CDC14B: variants seen among roughly 807,000 people sequenced by gnomAD.
CDC14B encodes cell division cycle 14B.
In CDC14B, 22 loss-of-function variants were observed where a neutral mutation model predicts 64.2. That is an observed-to-expected ratio of 0.34 (90% CI 0.24 to 0.49). CDC14B has a LOEUF of 0.49. Among genes scored for constraint, CDC14B ranks in the 20% least tolerant of loss-of-function variants. The pLI is 0.99. For missense variants in CDC14B, 498 were observed against 629.9 expected, an observed-to-expected ratio of 0.79 and a Z score of 2.24; for synonymous variants, 191 against 215.8, an observed-to-expected ratio of 0.89 and a Z score of 1.01.
At position 96,509,741 on chromosome 9, in the gene CDC14B, G is replaced by A. The variant is rs953445555; in HGVS notation, c.1392C>T (p.Asn464=). 6 of 1,613,220 alleles carry A rather than the reference G, an allele frequency of 3.7e-6. No individual in the cohort carries two copies. The highest frequency in any genetic ancestry group is 5.1e-6 in the Non-Finnish European group (6 of 1,179,234). The change falls in exon 13 of 14, where the codon AAC becomes AAT. Residue 464 remains asparagine (N), a synonymous_variant. Transcript: ENST00000375241. ...SVQSCKTSEP[N]ISGSAGITKR... ...TAGTAATGCCTGCACTGCCAGAAAT[G>A]TTAGGTTCAGATGTTTTACAGCTCT...
rs888722233 is a variant in CDC14B at position 96,515,036 on chromosome 9, T to C, written c.1344-5247A>G. 2.4e-6 allele frequency: 1 copy of C among 422,662 alleles called. No homozygotes were observed. Among genetic ancestry groups the C allele is most frequent in the Non-Finnish European group, 3.2e-6 (1 of 315,740 alleles). 26.2% of individuals were successfully genotyped at this position (422,662 alleles called of 1,614,324 possible). A position where few individuals can be genotyped will look rare whatever the true frequency, so the allele number is the denominator to read the frequency against. On this transcript the variant is annotated intron_variant, in intron 12 of 13. Transcript: ENST00000375241. The surrounding 1 kb of genome is among the most constrained non-coding windows in gnomAD (Gnocchi z 4.3). ...CGACCTCAGCTCCGACCTCCTACTT[T>C]CATTTAGCATCAAGTGCTACACACT...
At chr9:96,572,986 C>T (rs1468675029) in intron 1 of CDC14B, among the ~76,000 whole-genome samples, 1 of 151,892 alleles carries the variant, frequency 6.6e-6, no homozygotes, top group Non-Finnish European at 1.5e-5. Context: ...CAAAACTGTC[C>T]TTGTTTGCAG....
Position 96,523,705 on chromosome 9 carries a change from T to A in CDC14B, c.967A>T (p.Thr323Ser). ...HCKAGLGRTGTLIACYIMKHY... is the reference protein window; with the variant it reads ...HCKAGLGRTGSLIACYIMKHY... ...TTCATGATGTAGCAGGCTATCAGAG[T>A]GCCCGTGCGACCAAGGCCAGCTAGG... The change falls in exon 10 of 14, where the codon ACT (threonine) becomes TCT (serine). Residue 323 changes from threonine (T) to serine (S), a missense_variant. Thr to Ser is a moderately conservative substitution (Grantham distance 58). Coordinates refer to ENST00000375241, the MANE Select transcript of CDC14B (RefSeq NM_033331.4). The A allele has an allele frequency of 1.2e-6, 2 of 1,613,218 alleles. No individual in the cohort carries two copies. Among genetic ancestry groups the A allele is most frequent in the Non-Finnish European group, 1.7e-6 (2 of 1,179,366 alleles).
In CDC14B at chr9:96,616,097, T is replaced by TG. The variant is rs576503736; in HGVS notation, c.160+3121dup. Reference sequence around the variant, plus strand: ...CCCCAGCACTTTGGGAGATCTAGGCTGGGGGGGATCACGAAGTCAGGAGTT... The same window carrying TG: ...CCCCAGCACTTTGGGAGATCTAGGCTGGGGGGGGATCACGAAGTCAGGAGTT... On this transcript the variant is annotated intron_variant, in intron 1 of 13. Transcript: ENST00000375241. 6.4e-3 allele frequency among the ~76,000 whole-genome samples: 966 copies of TG among 151,024 alleles called. 10 individuals are homozygous for TG. The highest frequency in any genetic ancestry group is 0.018 in the Middle Eastern group (5 of 274).
chr9:96,566,575 C>T (rs1486428050), intron 1 of CDC14B, among the ~76,000 whole-genome samples: 4 of 152,176 alleles, frequency 2.6e-5, no homozygotes, highest in Non-Finnish European at 5.9e-5. Context: ...GGCTCAGGTG[C>T]AGGCACGCAA....
At position 96,541,895 on chromosome 9, in the gene CDC14B, G is replaced by A. The variant is rs1259231595; in HGVS notation, c.498-3C>T. On this transcript the variant is annotated splice_polypyrimidine_tract_variant and splice_region_variant and intron_variant, in intron 5 of 13. Coordinates refer to ENST00000375241, the MANE Select transcript of CDC14B (RefSeq NM_033331.4). Reference sequence around the variant, plus strand: ...TGCAACTTCCATAGGCAGCATCTCTGAAACCCAAGAGTAATAAAATGTAGA... The same window carrying A: ...TGCAACTTCCATAGGCAGCATCTCTAAAACCCAAGAGTAATAAAATGTAGA... 6.2e-7 allele frequency: 1 copy of A among 1,602,334 alleles called. No homozygotes were observed. The highest frequency in any genetic ancestry group is 8.5e-7 in the Non-Finnish European group (1 of 1,171,568).
At chr9:96,527,660 G>T (rs183117620) in intron 9 of CDC14B, among the ~76,000 whole-genome samples, 48 of 151,346 alleles carry the variant, frequency 3.2e-4, no homozygotes, top group African/African-American at 1.1e-3. Flanking sequence ...CTGTCGCCCA[G>T]GCCGGAGTGC....
At chr9:96,545,943 G>A (rs2131944634) in intron 5 of CDC14B, among the ~76,000 whole-genome samples, 1 of 152,288 alleles carries the variant, frequency 6.6e-6, no homozygotes, top group African/African-American at 2.4e-5. Flanking sequence ...CCAATAGGCA[G>A]AACAGCAACT....
chr9:96,507,855 T>C (rs1834373841), intron 13 of CDC14B, among the ~76,000 whole-genome samples: 1 of 152,176 alleles, frequency 6.6e-6, no homozygotes, highest in Admixed American at 6.6e-5. Context: ...CTTTTATTAG[T>C]ATCATAGCAT....
chr9:96,516,323 T>A (rs754101216), intron 12 of CDC14B, among the ~76,000 whole-genome samples: 12 of 152,176 alleles, frequency 7.9e-5, no homozygotes, highest in Non-Finnish European at 1.5e-4. Flanking sequence ...ATGGCACATT[T>A]TTATAATATG....
chr9:96,615,202 C>G (rs1209451226), intron 1 of CDC14B, among the ~76,000 whole-genome samples: 1 of 151,944 alleles, frequency 6.6e-6, no homozygotes, highest in Non-Finnish European at 1.5e-5. Flanking sequence ...CAGTATAGTT[C>G]AAGTAAAAAA....
chr9:96,517,793 G>C (rs943246172), intron 12 of CDC14B, among the ~76,000 whole-genome samples: 1 of 151,564 alleles, frequency 6.6e-6, no homozygotes, highest in African/African-American at 2.4e-5. Context: ...AGCCTCCTGA[G>C]TAGCAGCTGA....
chr9:96,527,672 A>G lies in CDC14B; in HGVS notation c.947-3947T>C, dbSNP rs543447537. On this transcript the variant is annotated intron_variant, in intron 9 of 13. Coordinates refer to ENST00000375241, the MANE Select transcript of CDC14B (RefSeq NM_033331.4). ...GCTCTGTCGCCCAGGCCGGAGTGCA[A>G]TGGCGCAATCTCAGCTCACCGCAAG... Among the ~76,000 whole-genome samples, 3 of 151,602 alleles carry G rather than the reference A, an allele frequency of 2.0e-5. No homozygotes were observed. In the South Asian group the frequency reaches 6.3e-4, roughly 32 times the overall value.
At chr9:96,608,238 C>A (rs996295090) in intron 1 of CDC14B, among the ~76,000 whole-genome samples, 5 of 152,188 alleles carry the variant, frequency 3.3e-5, no homozygotes, top group African/African-American at 4.8e-5. Flanking sequence ...GTGCTGTATG[C>A]CCTTTCAGTT....
At chr9:96,582,008 G>A (rs548082169) in intron 1 of CDC14B, among the ~76,000 whole-genome samples, 73 of 152,196 alleles carry the variant, frequency 4.8e-4, no homozygotes, top group African/African-American at 1.6e-3. Context: ...CTCCCAGTGC[G>A]CTTCATGGTG....
chr9:96,534,378 G>T, intron 8 of CDC14B, 77 bp downstream of exon 8: 1 of 1,058,452 alleles, frequency 9.4e-7, no homozygotes, highest in Non-Finnish European at 1.5e-6. Flanking sequence ...GTCAAGCTTG[G>T]TGTAACTCTT....
At chr9:96,528,020 C>A in intron 9 of CDC14B, among the ~76,000 whole-genome samples, 1 of 152,220 alleles carries the variant, frequency 6.6e-6, no homozygotes. Context: ...CAACTGGATT[C>A]ATACAATATC....
intron 13 of CDC14B, 28 bp from the exon 14 acceptor site, chr9:96,503,817 C>G (rs749153027): frequency 1.2e-6 from 2 of 1,603,022 alleles, no homozygotes; most frequent in South Asian, 2.2e-5. Context: ...AGGATTTTTA[C>G]CAGAAAGTTT....
chr9:96,512,079 C>G (rs570925090), intron 12 of CDC14B, among the ~76,000 whole-genome samples: 1 of 151,234 alleles, frequency 6.6e-6, no homozygotes, highest in Non-Finnish European at 1.5e-5. Context: ...ATTAGCCGGG[C>G]GTGGTGGGGC....
Sources: gnomAD v4.1 joint callset for allele counts (sites outside exome capture counted in the v4.1 genomes callset) on GRCh38, gnomAD v4.1.1 for gene constraint, Gnocchi (gnomAD v3.1) non-coding constraint, MANE v1.5 for transcripts, NCBI Gene and HGNC (gene_info 2026-07-23, HGNC 2026-07-21) for gene names.